DLC1: variants seen among roughly 807,000 people sequenced by gnomAD.
DLC1 encodes the protein DLC1 Rho GTPase activating protein.
DLC1 carries 54 observed loss-of-function variants against 140.3 expected under a neutral mutation model. That is an observed-to-expected ratio of 0.38 (90% CI 0.31 to 0.48). The LOEUF (loss-of-function observed/expected upper bound fraction) is 0.48. Among genes scored for constraint, DLC1 ranks in the 20% least tolerant of loss-of-function variants. The pLI is 0.96. For missense variants in DLC1, 2,536 were observed against 1,907.0 expected (o/e 1.33, Z -6.14); for synonymous variants, 986 against 728.1 (o/e 1.35, Z -5.70).
chr8:13,263,282 T>C (rs1422169536), intron 5 of DLC1, among the ~76,000 whole-genome samples: 1 of 152,206 alleles, frequency 6.6e-6, no homozygotes, highest in Non-Finnish European at 1.5e-5. Flanking sequence ...TGGTTATCTC[T>C]GAATTACATT....
chr8:13,286,444 G>C (rs916779447), intron 5 of DLC1, among the ~76,000 whole-genome samples: 6 of 151,854 alleles, frequency 4.0e-5, no homozygotes, highest in Non-Finnish European at 7.4e-5. Context: ...TTCATGAAAG[G>C]GTCACTTTAT....
intron 4 of DLC1, chr8:13,341,074 G>A (rs1267471510): frequency 2.0e-5 from 3 of 152,052 alleles, no homozygotes; most frequent in African/African-American, 4.8e-5. Context: ...TTTGAAGGAA[G>A]GATTTAAAAT....
At chr8:13,354,330 T>C (rs1834820739) in intron 4 of DLC1, among the ~76,000 whole-genome samples, 2 of 152,190 alleles carry the variant, frequency 1.3e-5, no homozygotes, top group South Asian at 4.1e-4. Context: ...CTAGTTTTAT[T>C]GTCTTACAGG....
At chr8:13,202,864 G>C (rs1334233947) in intron 5 of DLC1, among the ~76,000 whole-genome samples, 1 of 151,970 alleles carries the variant, frequency 6.6e-6, no homozygotes, top group Admixed American at 6.6e-5. Context: ...TGTAGAGACA[G>C]GGTCTCACTA....
chr8:13,463,733 A>G (rs1799790375), intron 2 of DLC1, among the ~76,000 whole-genome samples: 3 of 152,332 alleles, frequency 2.0e-5, no homozygotes, highest in African/African-American at 7.2e-5. Context: ...ATGAGGAAAC[A>G]GGAACCTGAC....
intron 1 of DLC1, among the ~76,000 whole-genome samples, chr8:13,525,930 T>A (rs1046342145): frequency 3.3e-5 from 5 of 152,214 alleles, no homozygotes; most frequent in Non-Finnish European, 1.5e-5. Flanking sequence ...TCCTACACTA[T>A]ATGCTAGAAG....
chr8:13,161,838 T>G (rs912697407), intron 5 of DLC1, among the ~76,000 whole-genome samples: 5 of 152,218 alleles, frequency 3.3e-5, no homozygotes, highest in Non-Finnish European at 7.3e-5. Flanking sequence ...GCCCTGTGCT[T>G]CTTGTTAAAA....
intron 5 of DLC1, among the ~76,000 whole-genome samples, chr8:13,232,966 A>G (rs1829116196): frequency 6.6e-6 from 1 of 152,216 alleles, no homozygotes; most frequent in South Asian, 2.1e-4. Flanking sequence ...ATAATGAAAT[A>G]TTGAACAAAA....
chr8:13,215,722 T>C (rs1585927494), intron 5 of DLC1, among the ~76,000 whole-genome samples: 2 of 152,226 alleles, frequency 1.3e-5, no homozygotes, highest in African/African-American at 4.8e-5. Flanking sequence ...GGAAACTTCA[T>C]AATCCATATT....
At chr8:13,582,878 C>CCACA (rs1461616416) in intron 1 of DLC1, among the ~76,000 whole-genome samples, 1 of 103,062 alleles carries the variant, frequency 9.7e-6, no homozygotes, top group Non-Finnish European at 1.9e-5. Context: ...ATACTGTGGT[C>CCACA]TATATATATA....
chr8:13,089,713 TG>T (rs771814420), intron 15 of DLC1, among the ~76,000 whole-genome samples: 2 of 151,212 alleles, frequency 1.3e-5, no homozygotes, highest in Non-Finnish European at 2.9e-5. Context: ...TCCCACTGTT[TG>T]TTTATTTTCA....
At position 13,568,232 on chromosome 8, in the gene DLC1, TC is replaced by T. The variant is rs1373235393; in HGVS notation, c.-126+36304del. Reference sequence around the variant, plus strand: ...AGAGAAACTTAAAAAGTAATAACTGTCTTTGGCGATCAAATGGCTATGGGGA... The same window carrying T: ...AGAGAAACTTAAAAAGTAATAACTGTTTTGGCGATCAAATGGCTATGGGGA... On this transcript the variant is annotated intron_variant, in intron 1 of 1. Transcript: ENST00000631382. 1.4e-5 allele frequency: 4 copies of T among 291,478 alleles called. No homozygotes were observed. The East Asian group carries it at 2.9e-4, about 21-fold the overall frequency. The allele number at this position is 291,478 out of a possible 1,614,324, so 18.1% of individuals were successfully genotyped here.
At chr8:13,234,027 A>G (rs1161058875) in intron 5 of DLC1, among the ~76,000 whole-genome samples, 2 of 152,206 alleles carry the variant, frequency 1.3e-5, no homozygotes, top group East Asian at 3.8e-4. Flanking sequence ...TTGAAAACAG[A>G]GTATGCACAA....
intron 1 of DLC1, among the ~76,000 whole-genome samples, chr8:13,551,101 T>G (rs1803834358): frequency 6.8e-6 from 1 of 147,140 alleles, no homozygotes; most frequent in Admixed American, 6.8e-5. Context: ...AAAGAACACT[T>G]TGTGAGGAAT....
At chr8:13,178,556 G>C (rs1825871673) in intron 5 of DLC1, among the ~76,000 whole-genome samples, 1 of 141,284 alleles carries the variant, frequency 7.1e-6, no homozygotes, top group Non-Finnish European at 1.5e-5. Flanking sequence ...CTGGGCGACA[G>C]AGTGAGACTC....
chr8:13,496,585 C>T (rs1014425892), intron 2 of DLC1, among the ~76,000 whole-genome samples: 23 of 128,506 alleles, frequency 1.8e-4, no homozygotes, highest in Middle Eastern at 4.7e-3. Flanking sequence ...TATACACACA[C>T]ACACACACAC....
chr8:13,084,920 G>C lies in DLC1; in HGVS notation c.*891C>G, dbSNP rs914333241. On this transcript the variant is annotated 3_prime_UTR_variant, in exon 18 of 18. Transcript: ENST00000276297. ...GCTTGATTTAAGAGTAAGTGTTATC[G>C]TGTTCAGTTTTTATATCTCGACTTA... The C allele has an allele frequency of 1.3e-5, 2 of 152,212 alleles. No individual in the cohort carries two copies. Among genetic ancestry groups the C allele is most frequent in the African/African-American group, 4.8e-5 (2 of 41,456 alleles). 9.4% of individuals were successfully genotyped at this position (152,212 alleles called of 1,614,324 possible).
At chr8:13,585,597 A>G (rs548817107) in intron 1 of DLC1, among the ~76,000 whole-genome samples, 19 of 152,270 alleles carry the variant, frequency 1.2e-4, no homozygotes, top group Admixed American at 8.5e-4. Context: ...TGAGTTCCGA[A>G]GGCTGGAAGT....
intron 1 of DLC1, among the ~76,000 whole-genome samples, chr8:13,601,206 C>T (rs1805871211): frequency 6.6e-6 from 1 of 151,742 alleles, no homozygotes; most frequent in African/African-American, 2.4e-5. Context: ...AGTCAGCTCA[C>T]CAGTAAGTTA....
Sources: gnomAD v4.1 joint callset for allele counts (sites outside exome capture counted in the v4.1 genomes callset) on GRCh38, gnomAD v4.1.1 for gene constraint, MANE v1.5 for transcripts, NCBI Gene and HGNC (gene_info 2026-07-23, HGNC 2026-07-21) for gene names.